EML4: variants seen among roughly 807,000 people sequenced by gnomAD.
EML4 encodes the protein EMAP like 4.
A neutral mutation model predicts 129.0 loss-of-function variants in EML4; 72 were observed. That is an observed-to-expected ratio of 0.56 (90% CI 0.46 to 0.68). The LOEUF (loss-of-function observed/expected upper bound fraction) is 0.68, where lower values mean the gene tolerates loss of function less well. EML4 is among the 30% of genes least tolerant of loss of function. EML4 has a pLI of 0.00. For synonymous variants in EML4, 532 were observed against 405.0 expected (o/e 1.31, Z -3.77); for missense variants, 1,363 against 1,190.6 (o/e 1.14, Z -2.13).
Position 42,245,929 on chromosome 2 carries a change from A to G in EML4, c.208+242A>G, listed in dbSNP as rs893809302. On this transcript the variant is annotated intron_variant, in intron 2 of 22. Transcript: ENST00000318522. ...TTTTTATGTTACAGTATTTGTGTGA[A>G]GTTAGTATCTTCCAACTAGATGATA... Among the ~76,000 whole-genome samples the G allele has an allele frequency of 2.6e-5, 4 of 152,210 alleles. No individual in the cohort carries two copies. In the East Asian group the frequency reaches 5.8e-4, roughly 22 times the overall value.
chr2:42,283,416 C>T (rs999574063), intron 8 of EML4, among the ~76,000 whole-genome samples: 2 of 151,926 alleles, frequency 1.3e-5, no homozygotes, highest in African/African-American at 2.4e-5. Context: ...ATAAGTATGC[C>T]GTAGGATGTC....
intron 1 of EML4, among the ~76,000 whole-genome samples, chr2:42,239,551 G>A (rs1199723015): frequency 1.3e-5 from 2 of 152,166 alleles, no homozygotes; most frequent in Non-Finnish European, 1.5e-5. Context: ...ATAGTGAGAG[G>A]TTTCTGGATC....
intron 1 of EML4, among the ~76,000 whole-genome samples, chr2:42,173,629 G>A (rs1487540180): frequency 6.6e-6 from 1 of 151,980 alleles, no homozygotes; most frequent in African/African-American, 2.4e-5. Context: ...TGGAAGGATC[G>A]ATTGAGCCCA....
At chr2:42,204,960 A>G (rs981669641) in intron 1 of EML4, among the ~76,000 whole-genome samples, 2 of 152,210 alleles carry the variant, frequency 1.3e-5, no homozygotes, top group Non-Finnish European at 2.9e-5. Flanking sequence ...TCCTATTACT[A>G]TACCATATGG....
chr2:42,247,358 C>A (rs1428075292), intron 2 of EML4, among the ~76,000 whole-genome samples: 2 of 152,124 alleles, frequency 1.3e-5, no homozygotes, highest in Middle Eastern at 3.4e-3. Flanking sequence ...AATGGAAGAC[C>A]GTAGACATTT....
At chr2:42,201,807 C>T (rs767792203) in intron 1 of EML4, among the ~76,000 whole-genome samples, 2 of 151,842 alleles carry the variant, frequency 1.3e-5, no homozygotes, top group African/African-American at 2.4e-5. Context: ...ATAGGCCGGG[C>T]ATGGTGGCTC....
rs569951858 is a variant in EML4 at position 42,251,378 on chromosome 2, C to G, written c.209-5123C>G. ...ATGACTGTATATTGGCAGGTGTTGC[C>G]TCAGACCAGGTAACAATTACTGTTT... On this transcript the variant is annotated intron_variant, in intron 2 of 22. Coordinates refer to ENST00000318522, the MANE Select transcript of EML4 (RefSeq NM_019063.5). Among the ~76,000 whole-genome samples, 64 of 152,312 alleles carry G rather than the reference C, an allele frequency of 4.2e-4. No homozygotes were observed. The Middle Eastern group carries it at 0.034, about 81-fold the overall frequency.
At chr2:42,191,056 AC>A (rs199926960) in intron 1 of EML4, among the ~76,000 whole-genome samples, 1,720 of 152,288 alleles carry the variant, frequency 0.011, 17 homozygotes, top group Admixed American at 0.017. Context: ...TTTATTACCT[AC>A]CTTTTCTACT....
intron 1 of EML4, among the ~76,000 whole-genome samples, chr2:42,194,699 C>T (rs1238502986): frequency 5.9e-5 from 9 of 151,634 alleles, no homozygotes; most frequent in Admixed American, 1.3e-4. Flanking sequence ...TTTGTAGAGA[C>T]GGTATTTTTA....
intron 1 of EML4, chr2:42,170,200 T>G (rs990938491): frequency 1.3e-5 from 2 of 152,358 alleles, no homozygotes; most frequent in Non-Finnish European, 2.9e-5. Flanking sequence ...TTCAGAGTAG[T>G]AGGCAACTTC....
chr2:42,223,535 G>C (rs1229436105), intron 1 of EML4, among the ~76,000 whole-genome samples: 1 of 152,086 alleles, frequency 6.6e-6, no homozygotes, highest in East Asian at 1.9e-4. Context: ...TCAGTAGTTA[G>C]AAATTACAAA....
chr2:42,196,551 T>A (rs534896848), intron 1 of EML4, among the ~76,000 whole-genome samples: 1 of 152,360 alleles, frequency 6.6e-6, no homozygotes, highest in South Asian at 2.1e-4. Context: ...TGATAAGAGT[T>A]CCGTCTGCCA....
Position 42,223,549 on chromosome 2 carries a change from T to C in EML4, c.26-21956T>C, listed in dbSNP as rs770213301. Among the ~76,000 whole-genome samples the C allele has an allele frequency of 4.7e-4, 71 of 152,162 alleles. 1 individual carries two copies. Among genetic ancestry groups the C allele is most frequent in the Admixed American group, 4.1e-3 (62 of 15,280 alleles). On this transcript the variant is annotated intron_variant, in intron 1 of 22. Transcript: ENST00000318522. ...GTCAGTAGTTAGAAATTACAAATTT[T>C]ACTGTAGCAGGTCATCTTTCTTCTC...
At chr2:42,197,958 G>T (rs10195776) in intron 1 of EML4, among the ~76,000 whole-genome samples, 1 of 152,138 alleles carries the variant, frequency 6.6e-6, no homozygotes, top group Non-Finnish European at 1.5e-5. Flanking sequence ...CAGTGCCTAC[G>T]TGTACATCCT....
chr2:42,243,043 G>A (rs1675143726), intron 1 of EML4, among the ~76,000 whole-genome samples: 1 of 152,088 alleles, frequency 6.6e-6, no homozygotes, highest in Non-Finnish European at 1.5e-5. Flanking sequence ...CTCCCTAAGT[G>A]CTAGGATTAC....
chr2:42,292,150 GA>G (rs1667686263), intron 11 of EML4, among the ~76,000 whole-genome samples: 1 of 152,208 alleles, frequency 6.6e-6, no homozygotes, highest in African/African-American at 2.4e-5. Flanking sequence ...TTTTAGAGCA[GA>G]AAGATAAATT....
At chr2:42,209,271 C>T (rs1034185201) in intron 1 of EML4, among the ~76,000 whole-genome samples, 1 of 152,064 alleles carries the variant, frequency 6.6e-6, no homozygotes, top group Non-Finnish European at 1.5e-5. Flanking sequence ...ACAAATACCA[C>T]AAAGCAGAAG....
At position 42,316,002 on chromosome 2, in the gene EML4, A is replaced by C. The variant is rs1020676188; in HGVS notation, c.2008A>C (p.Ile670Leu). Residue 670 changes from isoleucine to leucine, a missense_variant, in exon 18 of 23, where the codon ATC becomes CTC. By Grantham distance (5) the Ile-to-Leu change is conservative. Coordinates refer to ENST00000318522, the MANE Select transcript of EML4 (RefSeq NM_019063.5). ...LDAETRDLVS[I>L]HTDGNEQLSV... ...TGCAGAAACCAGAGATCTAGTTTCT[A>C]TCCACACAGACGGGAATGAACAGCT... 2 of 1,613,916 alleles carry C rather than the reference A, an allele frequency of 1.2e-6. No individual in the cohort carries two copies. Among genetic ancestry groups the C allele is most frequent in the South Asian group, 2.2e-5 (2 of 91,058 alleles).
chr2:42,274,152 A>T (rs1666527070), intron 6 of EML4, among the ~76,000 whole-genome samples: 1 of 152,184 alleles, frequency 6.6e-6, no homozygotes, highest in Non-Finnish European at 1.5e-5. Context: ...TTAAGTAAAG[A>T]TTCTTTAAGT....
Sources: gnomAD v4.1 joint callset for allele counts (sites outside exome capture counted in the v4.1 genomes callset) on GRCh38, gnomAD v4.1.1 for gene constraint, MANE v1.5 for transcripts, NCBI Gene and HGNC (gene_info 2026-07-23, HGNC 2026-07-21) for gene names.